Variants in ECT2 observed in about 807,000 individuals in gnomAD.
ECT2 encodes the protein protein ECT2.
Under a neutral mutation model 116.9 loss-of-function variants are expected in ECT2, and 61 were observed. The ratio of observed to expected loss-of-function variants is 0.52; its 90% CI spans 0.42 to 0.65. ECT2 has a LOEUF of 0.65. Among genes scored for constraint, ECT2 ranks in the 30% least tolerant of loss-of-function variants. ECT2 has a pLI of 0.00. For missense variants in ECT2, 937 were observed against 1,078.7 expected (o/e 0.87, Z 1.84); for synonymous variants, 358 against 346.4 (o/e 1.03, Z -0.37).
At chr3:172,804,451 A>G (rs536924719) in intron 20 of ECT2, among the ~76,000 whole-genome samples, 91 of 152,318 alleles carry the variant, frequency 6.0e-4, no homozygotes, top group African/African-American at 2.0e-3. Flanking sequence ...GATAATTCTC[A>G]ACTACCTGTT....
intron 22 of ECT2, among the ~76,000 whole-genome samples, chr3:172,808,974 G>A (rs1728253612): frequency 6.6e-6 from 1 of 152,098 alleles, no homozygotes; most frequent in Non-Finnish European, 1.5e-5. Flanking sequence ...AAAAGATTCA[G>A]AGAGGGAAAT....
At chr3:172,753,017 G>C (rs1030772970) in intron 1 of ECT2, among the ~76,000 whole-genome samples, 1 of 152,014 alleles carries the variant, frequency 6.6e-6, no homozygotes, top group Non-Finnish European at 1.5e-5. Flanking sequence ...GTTAAAGGTG[G>C]GTCCTCTGTA....
At chr3:172,791,530 C>T (rs1177934936) in intron 18 of ECT2, among the ~76,000 whole-genome samples, 1 of 152,248 alleles carries the variant, frequency 6.6e-6, no homozygotes, top group Non-Finnish European at 1.5e-5. Flanking sequence ...GCAGTTGCTG[C>T]TTCACCTTGT....
chr3:172,799,022 A>G (rs1476153711), intron 18 of ECT2, among the ~76,000 whole-genome samples: 1 of 152,234 alleles, frequency 6.6e-6, no homozygotes, highest in African/African-American at 2.4e-5. Context: ...TAGCCTCAAG[A>G]GGTTTTAAAA....
chr3:172,785,109 C>T (rs1723380427), intron 17 of ECT2, among the ~76,000 whole-genome samples: 1 of 151,952 alleles, frequency 6.6e-6, no homozygotes, highest in Non-Finnish European at 1.5e-5. Context: ...AAAATTTGCC[C>T]ACAAAATCAC....
rs535655286 is a variant in ECT2 at position 172,772,964 on chromosome 3, A to G, written c.1429-939A>G. ...AATTATCTGTTTTATTGATCTATGT[A>G]TGTTTCTCCCCTCATGAATACCCAT... is the stretch of plus-strand genomic sequence containing the variant. On this transcript the variant is annotated intron_variant, in intron 13 of 24. Transcript: ENST00000392692. Among the ~76,000 whole-genome samples the G allele has an allele frequency of 2.0e-5, 3 of 152,262 alleles. No individual in the cohort carries two copies. The East Asian group carries it at 5.8e-4, about 29-fold the overall frequency.
Position 172,760,148 on chromosome 3 carries a change from CT to C in ECT2, c.577-4del. 6.4e-7 allele frequency: 1 copy of C among 1,572,958 alleles called. No individual in the cohort carries two copies. Among genetic ancestry groups the C allele is most frequent in the Non-Finnish European group, 8.6e-7 (1 of 1,158,664 alleles). The stretch of plus-strand genomic sequence containing the variant: ...ATAAAGTCAGTGTTGCTTAATTTTT[CT>C]TTTGAGGTCAGGTTGGTGACATTGG... On this transcript the variant is annotated splice_polypyrimidine_tract_variant and splice_region_variant and intron_variant, in intron 6 of 24. Coordinates refer to ENST00000392692, the MANE Select transcript of ECT2 (RefSeq NM_001258315.2).
chr3:172,818,762 A>G (rs1730221092), intron 24 of ECT2: 11 of 1,282,120 alleles, frequency 8.6e-6, no homozygotes, highest in Non-Finnish European at 1.1e-5. Context: ...ACATTTGTGA[A>G]GAATTAGGAG....
chr3:172,763,975 A>G (rs1225427859), intron 11 of ECT2, among the ~76,000 whole-genome samples: 1 of 152,226 alleles, frequency 6.6e-6, no homozygotes, highest in African/African-American at 2.4e-5. Context: ...CAGACTGTGA[A>G]TGGCCCCTGC....
intron 12 of ECT2, among the ~76,000 whole-genome samples, chr3:172,767,155 C>G (rs1188029621): frequency 6.6e-6 from 1 of 152,092 alleles, no homozygotes; most frequent in South Asian, 2.1e-4. Flanking sequence ...TTAAAAAGCA[C>G]TCAGGGGCTG....
chr3:172,780,430 G>A (rs1259431222), intron 14 of ECT2, among the ~76,000 whole-genome samples: 2 of 152,110 alleles, frequency 1.3e-5, no homozygotes, highest in Non-Finnish European at 2.9e-5. Context: ...GATCCATGTG[G>A]ACATGTTTTC....
intron 22 of ECT2, among the ~76,000 whole-genome samples, 172 bp from the exon 23 acceptor site, chr3:172,815,432 T>C (rs1729510107): frequency 6.6e-6 from 1 of 152,166 alleles, no homozygotes; most frequent in Non-Finnish European, 1.5e-5. Context: ...TGAATGCTTA[T>C]TTTTCACTAT....
At chr3:172,775,960 G>A (rs567938354) in intron 14 of ECT2, among the ~76,000 whole-genome samples, 4 of 152,170 alleles carry the variant, frequency 2.6e-5, no homozygotes, top group South Asian at 2.1e-4. Flanking sequence ...GTGTTTTGCC[G>A]CTAACTTTGT....
chr3:172,764,219 G>C (rs1718885216), intron 11 of ECT2, 59 bp from the exon 12 acceptor site: 1 of 1,445,008 alleles, frequency 6.9e-7, no homozygotes. Context: ...TTTTTCTCTT[G>C]TTCCTGTCTC....
the ECT2 span, among the ~76,000 whole-genome samples, chr3:172,827,072 A>G: frequency 2.6e-5 from 4 of 152,228 alleles, no homozygotes; most frequent in Non-Finnish European, 4.4e-5. Flanking sequence ...ATGTACATCG[A>G]AACTACAATG....
At chr3:172,829,196 C>T in the ECT2 span, 5 of 397,454 alleles carry the variant, frequency 1.3e-5, no homozygotes, top group Non-Finnish European at 2.3e-5. Flanking sequence ...CAGCTTTAGC[C>T]CTTGGTCTCG....
rs746806078 is a variant in ECT2 at position 172,764,424 on chromosome 3, A to G, written c.1215A>G (p.Pro405=). Reference sequence around the variant, plus strand: ...CACCATTTCCACCCCGTAAGCGCCCATCAGCTGAGCATTCCCTTTCCATAG... The same window carrying G: ...CACCATTTCCACCCCGTAAGCGCCCGTCAGCTGAGCATTCCCTTTCCATAG... ...DVSPFPPRKR[P]SAEHSLSIGS... is the part of the protein sequence containing the mutation. Residue 405 remains proline, a synonymous_variant, in exon 12 of 25, where the codon CCA becomes CCG. Transcript: ENST00000392692. 7 of 1,614,186 alleles carry G rather than the reference A, an allele frequency of 4.3e-6. No individual in the cohort carries two copies. Among genetic ancestry groups the G allele is most frequent in the Admixed American group, 1.7e-5 (1 of 60,028 alleles).
intron 18 of ECT2, among the ~76,000 whole-genome samples, chr3:172,797,007 A>G (rs981913124): frequency 2.1e-4 from 26 of 121,388 alleles, no homozygotes; most frequent in African/African-American, 7.8e-4. Context: ...AGATTCATAT[A>G]TCAGGTTCAA....
intron 11 of ECT2, among the ~76,000 whole-genome samples, chr3:172,763,543 T>G (rs1433542500): frequency 1.3e-5 from 2 of 152,198 alleles, no homozygotes; most frequent in African/African-American, 4.8e-5. Flanking sequence ...TTTTAATACA[T>G]TAATGAGCTT....
Sources: gnomAD v4.1 joint callset for allele counts (sites outside exome capture counted in the v4.1 genomes callset) on GRCh38, gnomAD v4.1.1 for gene constraint, MANE v1.5 for transcripts, NCBI Gene and HGNC (gene_info 2026-07-23, HGNC 2026-07-21) for gene names.